Variants in SMYD3 observed in about 807,000 individuals in gnomAD.
SMYD3 encodes SET and MYND domain containing 3.
A neutral mutation model predicts 57.7 loss-of-function variants in SMYD3; 36 were observed. The ratio of observed to expected loss-of-function variants is 0.62; its 90% CI spans 0.48 to 0.82. The LOEUF is 0.82. SMYD3 is among the 40% of genes least tolerant of loss of function. The pLI is 0.00. For missense variants in SMYD3, 515 were observed against 538.8 expected (o/e 0.96, Z 0.44); for synonymous variants, 211 against 195.0 (o/e 1.08, Z -0.68).
chr1:245,798,435 T>TACCC, intron 10 of SMYD3, among the ~76,000 whole-genome samples: 1 of 68,636 alleles, frequency 1.5e-5, no homozygotes, highest in Non-Finnish European at 2.7e-5. Flanking sequence ...CCCACACACA[T>TACCC]ACACACACAT....
intron 5 of SMYD3, among the ~76,000 whole-genome samples, chr1:246,320,915 T>G (rs1182528514): frequency 6.6e-6 from 1 of 152,220 alleles, no homozygotes; most frequent in Non-Finnish European, 1.5e-5. Context: ...CACGCTTAAT[T>G]CCATCCTTTT....
chr1:246,147,779 G>C (rs112082000), intron 5 of SMYD3, among the ~76,000 whole-genome samples: 1 of 151,964 alleles, frequency 6.6e-6, no homozygotes, highest in Non-Finnish European at 1.5e-5. Context: ...CCTGGGCTTC[G>C]CGCTCAATCG....
At chr1:245,796,076 A>T (rs1420282648) in intron 10 of SMYD3, among the ~76,000 whole-genome samples, 1 of 152,152 alleles carries the variant, frequency 6.6e-6, no homozygotes, top group Non-Finnish European at 1.5e-5. Flanking sequence ...TACACCACTA[A>T]CATTGACAGT....
In SMYD3 at chr1:246,216,286, C is replaced by CAAAAAA. The variant is rs761129685; in HGVS notation, c.531+110909_531+110914dup. On this transcript the variant is annotated intron_variant, in intron 5 of 11. Coordinates refer to ENST00000490107, the MANE Select transcript of SMYD3 (RefSeq NM_001167740.2). ...TGGGCAGTAGAGTAAGACTCCATTT[C>CAAAAAA]AAAAAAAAAAAAAAACTCATAAGCA... 7.9e-4 allele frequency among the ~76,000 whole-genome samples: 99 copies of CAAAAAA among 125,614 alleles called. 1 individual carries two copies. Among genetic ancestry groups the CAAAAAA allele is most frequent in the South Asian group, 2.8e-3 (11 of 3,902 alleles). The allele number at this position is 125,614 out of a possible 152,430, so 82.4% of individuals were successfully genotyped here. A position where few individuals can be genotyped will look rare whatever the true frequency, so the allele number is the denominator to read the frequency against.
intron 5 of SMYD3, among the ~76,000 whole-genome samples, chr1:246,309,759 A>G (rs1311154232): frequency 6.6e-6 from 1 of 152,222 alleles, no homozygotes; most frequent in Non-Finnish European, 1.5e-5. Context: ...CACTCTTCCT[A>G]TGAATTATAA....
chr1:245,918,424 C>T lies in SMYD3; in HGVS notation c.703-2784G>A, dbSNP rs573159719. Among the ~76,000 whole-genome samples the T allele has an allele frequency of 3.3e-5, 5 of 152,220 alleles. No individual in the cohort carries two copies. In the East Asian group the frequency reaches 7.7e-4, roughly 24 times the overall value. On this transcript the variant is annotated intron_variant, in intron 7 of 11. Coordinates refer to ENST00000490107, the MANE Select transcript of SMYD3 (RefSeq NM_001167740.2). ...GTCCCTTAAGGAGTGTCCGTAGCAC[C>T]GTCAAACCTAAAATACTCACACCTG...
chr1:246,013,829 G>T (rs1474337899), intron 5 of SMYD3, among the ~76,000 whole-genome samples: 1 of 152,168 alleles, frequency 6.6e-6, no homozygotes, highest in Non-Finnish European at 1.5e-5. Context: ...CTGTCACATA[G>T]CATCAAACAT....
At chr1:246,288,062 C>CTTTTTTTTTTTTTTT (rs67603439) in intron 5 of SMYD3, among the ~76,000 whole-genome samples, 11 of 64,208 alleles carry the variant, frequency 1.7e-4, no homozygotes, top group Non-Finnish European at 2.2e-4. Context: ...TCAGGTAATT[C>CTTTTTTTTTTTTTTT]TTTTTTTTTT....
intron 5 of SMYD3, among the ~76,000 whole-genome samples, chr1:246,318,396 G>GAAATA (rs2148645939): frequency 6.6e-6 from 1 of 152,212 alleles, no homozygotes; most frequent in African/African-American, 2.4e-5. Flanking sequence ...TTAATGAAAT[G>GAAATA]AAATAAAATA....
At chr1:246,367,885 G>A (rs1025769067) in intron 1 of SMYD3, among the ~76,000 whole-genome samples, 3 of 152,054 alleles carry the variant, frequency 2.0e-5, no homozygotes, top group African/African-American at 7.2e-5. Context: ...AAATGGGATC[G>A]TTAGCAACCC....
intron 5 of SMYD3, among the ~76,000 whole-genome samples, chr1:246,255,830 C>T (rs1214335829): frequency 6.7e-6 from 1 of 148,776 alleles, no homozygotes; most frequent in East Asian, 2.0e-4. Context: ...TGTCAGAACT[C>T]AATACTGTTC....
chr1:246,055,033 G>A lies in SMYD3; in HGVS notation c.532-125096C>T, dbSNP rs1022740495. Among the ~76,000 whole-genome samples the A allele has an allele frequency of 4.6e-5, 7 of 151,882 alleles. 1 individual carries two copies. The highest frequency in any genetic ancestry group is 6.3e-3 in the Middle Eastern group (2 of 316). The stretch of plus-strand genomic sequence containing the variant: ...TACTAAAAATACAAAAAAATTAGCC[G>A]GGCGTGGTGGTGGGCACCTGTAGTC... On this transcript the variant is annotated intron_variant, in intron 5 of 11. Transcript: ENST00000490107.
rs1317423439 is a variant in SMYD3 at position 246,462,231 on chromosome 1, TCCCGCGGGGC to T, written c.164+44813_164+44822del. ...GGGGCCTGCTGGGTACAGTGCATCC[TCCCGCGGGGC>T]CTGCTGGGTACAGTGCATCCTCCCG... is the stretch of plus-strand genomic sequence containing the variant. On this transcript the variant is annotated intron_variant, in intron 1 of 11. Coordinates refer to ENST00000490107, the MANE Select transcript of SMYD3 (RefSeq NM_001167740.2). 1.3e-3 allele frequency among the ~76,000 whole-genome samples: 94 copies of T among 74,320 alleles called. 2 individuals are homozygous for T. Among genetic ancestry groups the T allele is most frequent in the East Asian group, 3.3e-3 (6 of 1,820 alleles). The allele number at this position is 74,320 out of a possible 152,430, so 48.8% of individuals were successfully genotyped here.
Position 246,411,927 on chromosome 1 carries a change from T to G in SMYD3, c.165-56833A>C, listed in dbSNP as rs561663616. 7.3e-5 allele frequency among the ~76,000 whole-genome samples: 11 copies of G among 149,830 alleles called. No homozygotes were observed. The South Asian group carries it at 1.9e-3, about 26-fold the overall frequency. On this transcript the variant is annotated intron_variant, in intron 1 of 11. Coordinates refer to ENST00000490107, the MANE Select transcript of SMYD3 (RefSeq NM_001167740.2). Reference sequence around the variant, plus strand: ...CTAACATGGCACATGTATACATATGTAACAAACCTGCACGTTGTGCACACG... The same window carrying G: ...CTAACATGGCACATGTATACATATGGAACAAACCTGCACGTTGTGCACACG...
chr1:245,905,728 A>C (rs909777480), intron 8 of SMYD3, among the ~76,000 whole-genome samples: 1 of 152,214 alleles, frequency 6.6e-6, no homozygotes, highest in African/African-American at 2.4e-5. Flanking sequence ...CACAGTCAGC[A>C]GCCAGGGAGT....
intron 5 of SMYD3, among the ~76,000 whole-genome samples, chr1:246,173,018 C>T (rs2062369215): frequency 6.6e-6 from 1 of 151,338 alleles, no homozygotes; most frequent in Non-Finnish European, 1.5e-5. Context: ...AGAACACTCA[C>T]TGTACTCTAC....
chr1:245,920,819 A>G (rs1242640525), intron 7 of SMYD3, among the ~76,000 whole-genome samples: 1 of 152,224 alleles, frequency 6.6e-6, no homozygotes, highest in Non-Finnish European at 1.5e-5. Flanking sequence ...TAAATGTAAG[A>G]CCACAGACTT....
chr1:246,248,808 A>ATTTTTTTTTTT (rs1164274725), intron 5 of SMYD3, among the ~76,000 whole-genome samples: 6 of 90,426 alleles, frequency 6.6e-5, no homozygotes, highest in Non-Finnish European at 1.2e-4. Context: ...TGCCCGGCTA[A>ATTTTTTTTTTT]TTTTTTTTTT....
chr1:245,998,477 C>G (rs1472171744), intron 5 of SMYD3, among the ~76,000 whole-genome samples: 1 of 152,150 alleles, frequency 6.6e-6, no homozygotes. Flanking sequence ...AACCACATGC[C>G]CATCCCATTA....
Sources: allele counts gnomAD v4.1 joint callset (sites outside exome capture counted in the v4.1 genomes callset), GRCh38; gene constraint gnomAD v4.1.1; transcripts MANE v1.5; gene names NCBI Gene and HGNC (gene_info 2026-07-23, HGNC 2026-07-21).